The following ITPR1 variants were observed in gnomAD, a reference collection of about 807,000 sequenced individuals.
ITPR1 encodes the protein inositol 1,4,5-trisphosphate-gated calcium channel ITPR1.
ITPR1 carries 96 observed loss-of-function variants against 318.4 expected under a neutral mutation model. That is an observed-to-expected ratio of 0.30 (90% CI 0.26 to 0.36). The LOEUF (loss-of-function observed/expected upper bound fraction) is 0.36, where lower values mean the gene tolerates loss of function less well. Ranked by LOEUF, ITPR1 falls within the 10% of genes least tolerant of loss-of-function variation. The probability of loss-of-function intolerance (pLI) is 1.00; values close to 1 mark genes in which losing one functional copy is unlikely to be tolerated. For missense variants in ITPR1, 2,440 were observed against 3,460.2 expected (o/e 0.71, Z 7.40); for synonymous variants, 1,312 against 1,289.9 (o/e 1.02, Z -0.37).
chr3:4,518,993 C>T (rs963137829), intron 3 of ITPR1, among the ~76,000 whole-genome samples: 1 of 152,170 alleles, frequency 6.6e-6, no homozygotes, highest in African/African-American at 2.4e-5. Context: ...TTGACAGAGT[C>T]CTGGCGTCAG....
chr3:4,498,971 AG>A (rs1264524358), intron 2 of ITPR1, among the ~76,000 whole-genome samples: 2 of 152,240 alleles, frequency 1.3e-5, no homozygotes, highest in Non-Finnish European at 2.9e-5. Flanking sequence ...GCAAACTTAA[AG>A]CAAACCTCAA....
At chr3:4,515,574 C>G (rs1169459996) in intron 2 of ITPR1, among the ~76,000 whole-genome samples, 2 of 152,114 alleles carry the variant, frequency 1.3e-5, no homozygotes, top group Non-Finnish European at 2.9e-5. Context: ...GTCAATTTAG[C>G]TTTTTACAAT....
At chr3:4,663,284 C>A in intron 16 of ITPR1, 78 bp downstream of exon 16, 1 of 1,379,466 alleles carries the variant, frequency 7.2e-7, no homozygotes, top group Non-Finnish European at 9.8e-7. Flanking sequence ...TGCCTGTAGT[C>A]CCAGCACTTT....
At chr3:4,683,365 C>A (rs1475353740) in intron 26 of ITPR1, 21 bp from the exon 27 acceptor site, 1 of 1,613,786 alleles carries the variant, frequency 6.2e-7, no homozygotes, top group African/African-American at 1.3e-5. Context: ...TTTGGCCTTT[C>A]CCCACCTTGT....
intron 4 of ITPR1, among the ~76,000 whole-genome samples, chr3:4,600,471 G>A (rs565832305): frequency 3.4e-5 from 5 of 149,116 alleles, no homozygotes; most frequent in Middle Eastern, 3.4e-3. Flanking sequence ...CCATCTCTAC[G>A]GACCTTCCTG....
At chr3:4,630,916 T>G (rs1273732212) in intron 5 of ITPR1, among the ~76,000 whole-genome samples, 2 of 152,186 alleles carry the variant, frequency 1.3e-5, no homozygotes, top group Non-Finnish European at 2.9e-5. Flanking sequence ...CAATTCACTA[T>G]GCTATGTGTT....
chr3:4,746,092 A>G (rs151280001), intron 44 of ITPR1, among the ~76,000 whole-genome samples: 9 of 152,292 alleles, frequency 5.9e-5, no homozygotes, highest in Non-Finnish European at 1.3e-4. Context: ...CAGGATTCAT[A>G]TTCTTGACCA....
chr3:4,701,829 A>G (rs1490827856), intron 35 of ITPR1, among the ~76,000 whole-genome samples: 1 of 152,160 alleles, frequency 6.6e-6, no homozygotes, highest in Non-Finnish European at 1.5e-5. Context: ...TATCTGAACC[A>G]TGTTTATCAG....
At chr3:4,662,747 T>C (rs2093862790) in intron 15 of ITPR1, among the ~76,000 whole-genome samples, 1 of 152,070 alleles carries the variant, frequency 6.6e-6, no homozygotes, top group Non-Finnish European at 1.5e-5. Flanking sequence ...AATCAAGTGA[T>C]GAAGACCTCA....
chr3:4,619,119 G>C (rs949490120), intron 4 of ITPR1, among the ~76,000 whole-genome samples: 3 of 152,294 alleles, frequency 2.0e-5, no homozygotes, highest in Non-Finnish European at 4.4e-5. Context: ...GGGTTGCTGT[G>C]AGATGTCTGA....
intron 53 of ITPR1, among the ~76,000 whole-genome samples, chr3:4,795,727 G>A (rs2047857031): frequency 6.6e-6 from 1 of 152,206 alleles, no homozygotes; most frequent in African/African-American, 2.4e-5. Context: ...AGAGGTACCT[G>A]CCATTATTCA....
chr3:4,587,056 C>T (rs139041090), intron 4 of ITPR1, among the ~76,000 whole-genome samples: 13 of 152,186 alleles, frequency 8.5e-5, no homozygotes, highest in African/African-American at 2.9e-4. Flanking sequence ...GTATAAGACT[C>T]GGGAATAAAT....
At chr3:4,654,662 G>A (rs2093666940) in intron 12 of ITPR1, among the ~76,000 whole-genome samples, 1 of 152,232 alleles carries the variant, frequency 6.6e-6, no homozygotes, top group Non-Finnish European at 1.5e-5. Flanking sequence ...CAGTGGGCAT[G>A]GAAGGTGGTA....
intron 39 of ITPR1, 39 bp from the exon 40 acceptor site, chr3:4,717,328 A>C: frequency 6.6e-7 from 1 of 1,521,040 alleles, no homozygotes; most frequent in Non-Finnish European, 9.0e-7. Flanking sequence ...TCCTTTCCTA[A>C]CATTTCCTTC....
chr3:4,674,491 C>A, intron 22 of ITPR1, 148 bp downstream of exon 22: 1 of 652,634 alleles, frequency 1.5e-6, no homozygotes, highest in South Asian at 2.3e-5. Context: ...TGGTTTTGTT[C>A]CAGAATAAAA....
intron 3 of ITPR1, among the ~76,000 whole-genome samples, chr3:4,517,038 A>G (rs1575382986): frequency 6.6e-6 from 1 of 152,364 alleles, no homozygotes; most frequent in East Asian, 1.9e-4. Context: ...TTTGAAGCAG[A>G]CATTTCCTAT....
In ITPR1 at chr3:4,555,245, C is replaced by A. The variant is rs1309335217; in HGVS notation, c.163+34151C>A. On this transcript the variant is annotated intron_variant, in intron 4 of 61. Transcript: ENST00000649015. Reference sequence around the variant, plus strand: ...CCTCTCCTGCTTTAAGGTGAGGAAACTACCTTAGGTGTTTCCTGAGTTAGG... The same window carrying A: ...CCTCTCCTGCTTTAAGGTGAGGAAAATACCTTAGGTGTTTCCTGAGTTAGG... Among the ~76,000 whole-genome samples the A allele has an allele frequency of 2.6e-5, 4 of 152,168 alleles. No homozygotes were observed. In the South Asian group the frequency reaches 8.3e-4, roughly 32 times the overall value.
intron 2 of ITPR1, among the ~76,000 whole-genome samples, chr3:4,501,415 G>T (rs1575319810): frequency 2.0e-5 from 3 of 152,334 alleles, no homozygotes. Flanking sequence ...GAACTTGCTA[G>T]CAATTGCAGA....
intron 4 of ITPR1, among the ~76,000 whole-genome samples, chr3:4,602,528 G>T (rs1329231917): frequency 9.4e-6 from 1 of 106,820 alleles, no homozygotes; most frequent in East Asian, 2.4e-4. Flanking sequence ...GACCCTCTCA[G>T]AAAAAAAAAA....
Sources: allele counts gnomAD v4.1 joint callset (sites outside exome capture counted in the v4.1 genomes callset), GRCh38; gene constraint gnomAD v4.1.1; transcripts MANE v1.5; gene names NCBI Gene and HGNC (gene_info 2026-07-23, HGNC 2026-07-21).